TBCK: variants seen among roughly 807,000 people sequenced by gnomAD.
TBCK encodes the protein TBC domain-containing protein kinase-like protein.
TBCK carries 99 observed loss-of-function variants against 113.4 expected under a neutral mutation model. The observed-to-expected ratio is 0.87, with a 90% CI of 0.74 to 1.03. TBCK has a LOEUF of 1.03. Ranked by LOEUF, TBCK falls within the 50% of genes least tolerant of loss-of-function variation. The pLI is 0.00. For missense variants in TBCK, 1,045 were observed against 1,061.3 expected, an observed-to-expected ratio of 0.98 and a Z score of 0.21; for synonymous variants, 369 against 370.8, an observed-to-expected ratio of 1.00 and a Z score of 0.05.
Position 106,244,722 on chromosome 4 carries a change from A to G in TBCK, c.974T>C (p.Val325Ala), listed in dbSNP as rs145386125. The change falls in exon 11 of 26, where the codon GTG (valine) becomes GCG (alanine). Residue 325 changes from valine (V) to alanine (A), a missense_variant. Val to Ala is a moderately conservative substitution (Grantham distance 64). Coordinates refer to ENST00000394708, the MANE Select transcript of TBCK (RefSeq NM_001163435.3). ...DYLAERSIEEVYYLWCLAGGD... is the reference protein window; with the variant it reads ...DYLAERSIEEAYYLWCLAGGD... The stretch of plus-strand genomic sequence containing the variant: ...TCCAGCCAAACACCAAAGGTAATAC[A>G]CTTCTTCAATAGATCTTTCTGCCAG... 1.1e-3 allele frequency: 1,775 copies of G among 1,603,580 alleles called. 12 individuals are homozygous for G. The highest frequency in any genetic ancestry group is 6.0e-3 in the Middle Eastern group (36 of 6,006).
At chr4:106,307,943 T>C (rs1767707426) in intron 2 of TBCK, among the ~76,000 whole-genome samples, 1 of 152,002 alleles carries the variant, frequency 6.6e-6, no homozygotes, top group African/African-American at 2.4e-5. Flanking sequence ...GGCTGCTATA[T>C]AAAAAGACTA....
At chr4:106,186,854 G>A (rs1579172365) in intron 22 of TBCK, among the ~76,000 whole-genome samples, 1 of 152,048 alleles carries the variant, frequency 6.6e-6, no homozygotes, top group Non-Finnish European at 1.5e-5. Flanking sequence ...TTTCTTCTAG[G>A]ATTCTTATTG....
At chr4:106,073,850 G>C (rs570496371) in intron 25 of TBCK, among the ~76,000 whole-genome samples, 2 of 152,284 alleles carry the variant, frequency 1.3e-5, no homozygotes, top group Non-Finnish European at 2.9e-5. Flanking sequence ...CTAGGCTGCC[G>C]CCTCACAGTT....
At chr4:106,071,757 C>T (rs142425546) in intron 25 of TBCK, among the ~76,000 whole-genome samples, 4,053 of 152,184 alleles carry the variant, frequency 0.027, 172 homozygotes, top group East Asian at 0.2. Flanking sequence ...GTCTCTAGGA[C>T]TTGCTTTATG....
At chr4:106,050,122 T>C (rs933438436) in intron 25 of TBCK, among the ~76,000 whole-genome samples, 16 of 152,014 alleles carry the variant, frequency 1.1e-4, no homozygotes, top group Non-Finnish European at 1.5e-5. Flanking sequence ...AAACAGATTA[T>C]TGCAGATAAA....
At chr4:106,316,272 A>C, upstream of TBCK, 1 of 360,750 alleles carries the variant, frequency 2.8e-6, no homozygotes. Context: ...ACGCTGAGGA[A>C]AGACCCCGAC....
intron 20 of TBCK, among the ~76,000 whole-genome samples, chr4:106,210,705 T>C (rs1460151677): frequency 6.6e-6 from 1 of 152,162 alleles, no homozygotes; most frequent in African/African-American, 2.4e-5. Context: ...CACAGATTTA[T>C]AAACTTGTAG....
intron 25 of TBCK, among the ~76,000 whole-genome samples, chr4:106,051,799 G>T (rs1323884092): frequency 6.6e-6 from 1 of 151,778 alleles, no homozygotes; most frequent in African/African-American, 2.4e-5. Flanking sequence ...GAATATAAAT[G>T]AAGTGCTGTC....
chr4:106,268,708 A>G (rs1482731791), intron 3 of TBCK, among the ~76,000 whole-genome samples: 1 of 152,114 alleles, frequency 6.6e-6, no homozygotes. Flanking sequence ...TCTTGTTAAT[A>G]TCTGTCTAAA....
intron 20 of TBCK, among the ~76,000 whole-genome samples, chr4:106,206,499 G>C (rs73838146): frequency 0.045 from 6,868 of 152,114 alleles, 517 homozygotes; most frequent in African/African-American, 0.15. Context: ...CTAATGTTGG[G>C]GACATAGCAG....
intron 19 of TBCK, among the ~76,000 whole-genome samples, chr4:106,216,743 A>T (rs1399544370): frequency 6.6e-6 from 1 of 152,054 alleles, no homozygotes; most frequent in South Asian, 2.1e-4. Context: ...CCAACCAAAA[A>T]GAGTCCAGGA....
At chr4:106,257,884 C>G (rs371685595) in intron 5 of TBCK, among the ~76,000 whole-genome samples, 10 of 152,032 alleles carry the variant, frequency 6.6e-5, no homozygotes, top group African/African-American at 2.4e-4. Flanking sequence ...AAATTTAATA[C>G]AAATGCAATG....
chr4:106,080,195 T>C (rs541922682), intron 25 of TBCK, among the ~76,000 whole-genome samples: 1 of 150,662 alleles, frequency 6.6e-6, no homozygotes, highest in Admixed American at 6.6e-5. Flanking sequence ...AAAGTTGGCA[T>C]GAACCAAAAA....
At chr4:106,091,872 ATTTTACAGAGAGCTAATTGGTCTG>A (rs1396141480) in intron 25 of TBCK, among the ~76,000 whole-genome samples, 17 of 152,232 alleles carry the variant, frequency 1.1e-4, no homozygotes, top group African/African-American at 3.9e-4. Flanking sequence ...TGATTGGTCC[ATTTTACAGAGAGCTAATTGGTCTG>A]TTTTACAGAG....
Position 106,135,783 on chromosome 4 carries a change from G to A in TBCK, c.2236-19405C>T, listed in dbSNP as rs114846130. ...TTCTTATAAAAGTTAAAGTCAATGG[G>A]TGTAAAAATGACAATGGAGAGACTA... On this transcript the variant is annotated intron_variant, in intron 23 of 25. Coordinates refer to ENST00000394708, the MANE Select transcript of TBCK (RefSeq NM_001163435.3). Among the ~76,000 whole-genome samples, 1,284 of 141,500 alleles carry A rather than the reference G, an allele frequency of 9.1e-3. 129 individuals carry two copies. The highest frequency in any genetic ancestry group is 0.031 in the African/African-American group (1,228 of 40,032). 92.8% of individuals were successfully genotyped at this position (141,500 alleles called of 152,430 possible).
At chr4:106,235,697 GAT>G (rs1759378775) in intron 14 of TBCK, among the ~76,000 whole-genome samples, 1 of 151,944 alleles carries the variant, frequency 6.6e-6, no homozygotes, top group African/African-American at 2.4e-5. Context: ...GGTTAAATAA[GAT>G]AATGCAGGTA....
At chr4:106,195,993 G>C (rs1362286125) in intron 20 of TBCK, among the ~76,000 whole-genome samples, 2 of 151,160 alleles carry the variant, frequency 1.3e-5, no homozygotes, top group Admixed American at 6.6e-5. Context: ...GAATTAATTA[G>C]ATACTTTTTA....
intron 12 of TBCK, among the ~76,000 whole-genome samples, chr4:106,240,475 T>C (rs1759972039): frequency 6.6e-6 from 1 of 151,970 alleles, no homozygotes. Flanking sequence ...GGTTCAGCAA[T>C]GTTGCCTGAC....
chr4:106,046,504 G>A lies in TBCK; in HGVS notation c.*66C>T. The A allele has an allele frequency of 1.2e-6, 1 of 834,578 alleles. No homozygotes were observed. Among genetic ancestry groups the A allele is most frequent in the Admixed American group, 2.0e-5 (1 of 49,722 alleles). 51.7% of individuals were successfully genotyped at this position (834,578 alleles called of 1,614,324 possible). On this transcript the variant is annotated 3_prime_UTR_variant, in exon 26 of 26. Coordinates refer to ENST00000394708, the MANE Select transcript of TBCK (RefSeq NM_001163435.3). ...TCTAGTTTTGTCTGAGAGTGGCGTG[G>A]ATATGAAGAACTGTGCTGTTGGTGC...
Sources: allele counts gnomAD v4.1 joint callset (sites outside exome capture counted in the v4.1 genomes callset), GRCh38; gene constraint gnomAD v4.1.1; transcripts MANE v1.5; gene names NCBI Gene and HGNC (gene_info 2026-07-23, HGNC 2026-07-21).